The following PCDH15 variants were observed in gnomAD, a reference collection of about 807,000 sequenced individuals.
The protein encoded by PCDH15 is protocadherin related 15.
PCDH15 carries 129 observed loss-of-function variants against 178.5 expected under a neutral mutation model. That is an observed-to-expected ratio of 0.72 (90% CI 0.63 to 0.84). PCDH15 has a LOEUF of 0.84. Among genes scored for constraint, PCDH15 ranks in the 40% least tolerant of loss-of-function variants. The pLI is 0.00. For missense variants in PCDH15, 2,230 were observed against 2,099.9 expected (o/e 1.06, Z -1.21); for synonymous variants, 800 against 732.0 (o/e 1.09, Z -1.50).
In PCDH15 at chr10:53,827,426, G is replaced by T. The variant is rs146745502; in HGVS notation, c.4334C>A (p.Ala1445Glu). ...GTCTCCAAGTTCTTCATAGAGATGC[G>T]CACCTGGCGGAGGCGGCGGCGGCGG... The part of the protein sequence containing the change: ...PPPPPPPPPG[A>E]HLYEELGDSS... The change falls in exon 32 of 38, where the codon GCG becomes GAG. Residue 1445 changes from alanine (A) to glutamate (E), a missense_variant. Ala to Glu is a moderately radical substitution (Grantham distance 107). Transcript: ENST00000644397. The T allele has an allele frequency of 6.2e-6, 10 of 1,613,180 alleles. No homozygotes were observed. Among genetic ancestry groups the T allele is most frequent in the Non-Finnish European group, 8.5e-6 (10 of 1,179,412 alleles).
intron 10 of PCDH15, among the ~76,000 whole-genome samples, chr10:54,200,367 T>C (rs1323733818): frequency 6.7e-6 from 1 of 150,100 alleles, no homozygotes; most frequent in African/African-American, 2.5e-5. Context: ...GGTGGTTTGC[T>C]GTGCCCATCA....
At chr10:54,525,453 C>A (rs564118444) in intron 3 of PCDH15, among the ~76,000 whole-genome samples, 1 of 152,086 alleles carries the variant, frequency 6.6e-6, no homozygotes, top group Non-Finnish European at 1.5e-5. Flanking sequence ...ATAAGTATTT[C>A]TTTTCTTTCT....
intron 17 of PCDH15, among the ~76,000 whole-genome samples, chr10:54,078,493 T>C (rs906534972): frequency 1.3e-5 from 2 of 151,994 alleles, no homozygotes; most frequent in African/African-American, 4.8e-5. Flanking sequence ...AGGAGATATG[T>C]TGATATTTAA....
intron 3 of PCDH15, among the ~76,000 whole-genome samples, chr10:54,453,511 A>C (rs529873935): frequency 6.6e-6 from 1 of 151,852 alleles, no homozygotes; most frequent in Non-Finnish European, 1.5e-5. Flanking sequence ...TTGTGGGGTT[A>C]GGGGAGGGGG....
At chr10:54,353,586 G>A (rs80032404) in intron 5 of PCDH15, among the ~76,000 whole-genome samples, 2,341 of 151,846 alleles carry the variant, frequency 0.015, 68 homozygotes, top group African/African-American at 0.054. Context: ...GCTTAGTTTT[G>A]CCTGTTCTTG....
At chr10:53,889,504 A>T (rs1301885422) in intron 26 of PCDH15, among the ~76,000 whole-genome samples, 1 of 152,012 alleles carries the variant, frequency 6.6e-6, no homozygotes, top group African/African-American at 2.4e-5. Context: ...TAAACGAAGC[A>T]CAAGAAACCA....
chr10:54,588,481 T>C (rs1414101014), intron 2 of PCDH15, among the ~76,000 whole-genome samples: 1 of 151,930 alleles, frequency 6.6e-6, no homozygotes, highest in Non-Finnish European at 1.5e-5. Context: ...AATGTGGGAG[T>C]TTTTCATAAC....
chr10:53,982,147 A>G (rs921030656), intron 21 of PCDH15, among the ~76,000 whole-genome samples: 2 of 152,030 alleles, frequency 1.3e-5, no homozygotes, highest in Admixed American at 6.6e-5. Context: ...TTAGAATGGC[A>G]ATCATTAAAA....
chr10:54,898,563 T>C (rs1012936424), intron 2 of PCDH15, among the ~76,000 whole-genome samples: 4 of 152,114 alleles, frequency 2.6e-5, no homozygotes, highest in African/African-American at 9.7e-5. Context: ...TATAATCCAT[T>C]GTATCATTTT....
At chr10:54,170,651 G>T (rs995494806) in intron 13 of PCDH15, among the ~76,000 whole-genome samples, 1 of 151,612 alleles carries the variant, frequency 6.6e-6, no homozygotes, top group African/African-American at 2.4e-5. Flanking sequence ...TGACCCCCAT[G>T]ACTGTATCCC....
In PCDH15 at chr10:55,204,421, A is replaced by T. The variant is rs140020998; in HGVS notation, c.-155-37770T>A. ...ACATTAAATATAAAACTCTTCCTTG[A>T]ATCTCAGCATAGTTATTGGTAGTTT... On this transcript the variant is annotated intron_variant, in intron 1 of 5. Coordinates refer to the PCDH15 transcript ENST00000458638. 2.8e-3 allele frequency among the ~76,000 whole-genome samples: 427 copies of T among 151,978 alleles called. 7 individuals carry two copies. Among genetic ancestry groups the T allele is most frequent in the African/African-American group, 9.6e-3 (396 of 41,428 alleles).
intron 3 of PCDH15, among the ~76,000 whole-genome samples, chr10:54,828,285 G>A (rs1420137057): frequency 6.6e-6 from 1 of 151,858 alleles, no homozygotes; most frequent in African/African-American, 2.4e-5. Context: ...CAGAGAAAGA[G>A]GAAATAAACT....
At chr10:54,173,337 CAAT>C in intron 13 of PCDH15, among the ~76,000 whole-genome samples, 1 of 152,236 alleles carries the variant, frequency 6.6e-6, no homozygotes, top group Non-Finnish European at 1.5e-5. Context: ...ATGCTCTACA[CAAT>C]AAATCATTTT....
At chr10:55,232,483 G>A (rs1841254839) in intron 1 of PCDH15, among the ~76,000 whole-genome samples, 1 of 152,172 alleles carries the variant, frequency 6.6e-6, no homozygotes, top group African/African-American at 2.4e-5. Flanking sequence ...GAATCTAAGA[G>A]GATCCCTAAC....
At chr10:54,348,931 C>T (rs193231098) in intron 5 of PCDH15, among the ~76,000 whole-genome samples, 1 of 152,094 alleles carries the variant, frequency 6.6e-6, no homozygotes, top group East Asian at 1.9e-4. Context: ...ATCTGAATAT[C>T]TGTGCTTGGC....
At chr10:54,913,355 G>C (rs569813618) in intron 2 of PCDH15, among the ~76,000 whole-genome samples, 1 of 152,144 alleles carries the variant, frequency 6.6e-6, no homozygotes, top group Non-Finnish European at 1.5e-5. Context: ...GCCATCAGAA[G>C]GTGCAAGCCC....
At chr10:55,156,291 A>G (rs188838685) in intron 2 of PCDH15, among the ~76,000 whole-genome samples, 1 of 152,132 alleles carries the variant, frequency 6.6e-6, no homozygotes, top group South Asian at 2.1e-4. Flanking sequence ...AACTAATGAG[A>G]TCATTGCCAC....
chr10:54,527,829 T>A lies in PCDH15; in HGVS notation c.140A>T (p.Asp47Val). 1 of 1,611,056 alleles carries A rather than the reference T, an allele frequency of 6.2e-7. No individual in the cohort carries two copies. Among genetic ancestry groups the A allele is most frequent in the Non-Finnish European group, 8.5e-7 (1 of 1,177,998 alleles). The change falls in exon 3 of 38, where the codon GAT (aspartate) becomes GTT (valine). Residue 47 changes from aspartate to valine, a missense_variant. Asp to Val is a radical substitution (Grantham distance 152). Transcript: ENST00000644397. ...GGPPATIVAI[D>V]EESRNGTILV... ...TCACTTACCATTCCGACTTTCTTCA[T>A]CAATAGCAACTATGGTAGCTGGTGG... is the stretch of plus-strand genomic sequence containing the variant.
At chr10:54,126,453 A>G (rs1408481895) in intron 15 of PCDH15, among the ~76,000 whole-genome samples, 1 of 152,072 alleles carries the variant, frequency 6.6e-6, no homozygotes, top group East Asian at 1.9e-4. Context: ...CTGCCTCCTT[A>G]TGTACCTTAA....
Sources: gnomAD v4.1 joint callset for allele counts (sites outside exome capture counted in the v4.1 genomes callset) on GRCh38, gnomAD v4.1.1 for gene constraint, MANE v1.5 for transcripts, NCBI Gene and HGNC (gene_info 2026-07-23, HGNC 2026-07-21) for gene names.